KALRN: variants seen among roughly 807,000 people sequenced by gnomAD.
KALRN encodes the protein kalirin.
KALRN carries 70 observed loss-of-function variants against 353.7 expected under a neutral mutation model. That is an observed-to-expected ratio of 0.20 (90% CI 0.16 to 0.24). The LOEUF is 0.24. Ranked by LOEUF, KALRN falls within the 10% of genes least tolerant of loss-of-function variation. KALRN has a pLI of 1.00. For missense variants in KALRN, 2,791 were observed against 3,756.7 expected (o/e 0.74, Z 6.72); for synonymous variants, 1,391 against 1,434.8 (o/e 0.97, Z 0.69).
intron 10 of KALRN, among the ~76,000 whole-genome samples, chr3:124,352,155 T>TTTTTAAGAGACACATA (rs1353951294): frequency 6.8e-4 from 104 of 152,260 alleles, no homozygotes; most frequent in African/African-American, 2.5e-3. Context: ...CACCGAGTAG[T>TTTTTAAGAGACACATA]TTTTAAGAGA....
chr3:124,717,158 T>A (rs2063168899), intron 58 of KALRN, 89 bp from the exon 59 acceptor site: 1 of 1,276,236 alleles, frequency 7.8e-7, no homozygotes, highest in African/African-American at 1.5e-5. Flanking sequence ...TATGAGAGAG[T>A]TTAGAGATCT....
At chr3:124,505,657 C>A (rs2065126154) in intron 33 of KALRN, among the ~76,000 whole-genome samples, 1 of 152,212 alleles carries the variant, frequency 6.6e-6, no homozygotes, top group East Asian at 1.9e-4. Context: ...AACAAGAAAT[C>A]TTTAAGCGAA....
At chr3:124,664,513 C>T (rs566025162) in intron 45 of KALRN, among the ~76,000 whole-genome samples, 28 of 151,744 alleles carry the variant, frequency 1.8e-4, no homozygotes, top group South Asian at 4.2e-4. Context: ...TGGGTTCAGG[C>T]GATTCTCCTG....
chr3:124,532,581 G>C (rs536321184), intron 33 of KALRN, among the ~76,000 whole-genome samples: 1 of 152,114 alleles, frequency 6.6e-6, no homozygotes, highest in Non-Finnish European at 1.5e-5. Flanking sequence ...TGAGGTGGGC[G>C]GATCACTTGA....
chr3:124,541,187 C>T (rs893048656), intron 33 of KALRN, among the ~76,000 whole-genome samples: 3 of 152,130 alleles, frequency 2.0e-5, no homozygotes, highest in Non-Finnish European at 2.9e-5. Context: ...TGGTGGCTCA[C>T]GCCTGTAATC....
chr3:124,274,429 A>C (rs1214824710), intron 5 of KALRN, among the ~76,000 whole-genome samples: 1 of 152,240 alleles, frequency 6.6e-6, no homozygotes, highest in Non-Finnish European at 1.5e-5. Flanking sequence ...CTGATTGAGA[A>C]ATCTTTATCT....
intron 5 of KALRN, among the ~76,000 whole-genome samples, chr3:124,276,361 G>C (rs908773140): frequency 6.6e-6 from 1 of 152,130 alleles, no homozygotes; most frequent in Non-Finnish European, 1.5e-5. Context: ...ACTGGGCAAA[G>C]TATCCACTGC....
At chr3:124,615,487 G>A (rs1458885985) in intron 34 of KALRN, among the ~76,000 whole-genome samples, 1 of 152,152 alleles carries the variant, frequency 6.6e-6, no homozygotes, top group Non-Finnish European at 1.5e-5. Context: ...TAAAGTATCT[G>A]GGAATAAAGG....
intron 6 of KALRN, among the ~76,000 whole-genome samples, chr3:124,319,374 T>C (rs1003410168): frequency 1.3e-5 from 2 of 151,338 alleles, no homozygotes; most frequent in Middle Eastern, 6.8e-3. Context: ...TTATTTATAG[T>C]GGGGAAGAAA....
intron 1 of KALRN, among the ~76,000 whole-genome samples, chr3:124,076,352 G>A (rs1412151606): frequency 6.6e-6 from 1 of 152,138 alleles, no homozygotes; most frequent in African/African-American, 2.4e-5. Context: ...GAGTTGTTAA[G>A]CTAATTGTTA....
At chr3:124,487,964 T>C (rs555957713) in intron 28 of KALRN, among the ~76,000 whole-genome samples, 2 of 152,250 alleles carry the variant, frequency 1.3e-5, no homozygotes, top group South Asian at 4.1e-4. Flanking sequence ...GTCAAGCCAT[T>C]TGGGAGTTGG....
intron 5 of KALRN, among the ~76,000 whole-genome samples, chr3:124,293,942 A>G (rs2076626156): frequency 6.6e-6 from 1 of 152,174 alleles, no homozygotes; most frequent in African/African-American, 2.4e-5. Context: ...TCATTCATTC[A>G]TTCATTCATT....
At chr3:124,633,634 GGGGT>G (rs59152792) in intron 35 of KALRN, among the ~76,000 whole-genome samples, 22,108 of 108,726 alleles carry the variant, frequency 0.2, 1,590 homozygotes, top group East Asian at 0.32. Context: ...CTTCTTTTTG[GGGGT>G]GTGTGTGTGT....
At chr3:124,092,221 G>C (rs886079554) in intron 1 of KALRN, among the ~76,000 whole-genome samples, 23 of 152,176 alleles carry the variant, frequency 1.5e-4, no homozygotes, top group African/African-American at 5.3e-4. Flanking sequence ...ACTGGAGGGA[G>C]GGGAACAGAG....
At chr3:124,478,455 A>G (rs1445287890) in intron 27 of KALRN, among the ~76,000 whole-genome samples, 2 of 152,174 alleles carry the variant, frequency 1.3e-5, no homozygotes, top group Non-Finnish European at 2.9e-5. Flanking sequence ...TGATCCTACA[A>G]ATGTCTTGTT....
chr3:124,434,203 C>A, intron 16 of KALRN, 104 bp from the exon 17 acceptor site: 1 of 716,558 alleles, frequency 1.4e-6, no homozygotes, highest in East Asian at 2.7e-5. Context: ...TCATTTAAAG[C>A]TCTTTAACTT....
chr3:124,334,902 C>T lies in KALRN; in HGVS notation c.1647+407C>T, dbSNP rs1019672256. 6.6e-6 allele frequency among the ~76,000 whole-genome samples: 1 copy of T among 152,206 alleles called. No individual in the cohort carries two copies. Among genetic ancestry groups the T allele is most frequent in the African/African-American group, 2.4e-5 (1 of 41,450 alleles). On this transcript the variant is annotated intron_variant, in intron 9 of 59. Transcript: ENST00000682506. The surrounding 1 kb of genome is among the most constrained non-coding windows in gnomAD (Gnocchi z 4.2). ...CTCCGCTTTCTGGGTTCAAGCGATT[C>T]TTGTTCCTCAGCCTCCCAAGTAGCT...
intron 34 of KALRN, among the ~76,000 whole-genome samples, chr3:124,606,482 G>T (rs942295644): frequency 1.3e-5 from 2 of 152,124 alleles, no homozygotes; most frequent in Non-Finnish European, 1.5e-5. Context: ...TTATAGTCCT[G>T]TCTCCTTAAA....
intron 5 of KALRN, among the ~76,000 whole-genome samples, chr3:124,278,671 T>G (rs1288220807): frequency 6.6e-6 from 1 of 152,158 alleles, no homozygotes; most frequent in Non-Finnish European, 1.5e-5. Context: ...CAATTTTACT[T>G]TATAATTTGT....
Sources: gnomAD v4.1 joint callset for allele counts (sites outside exome capture counted in the v4.1 genomes callset) on GRCh38, gnomAD v4.1.1 for gene constraint, Gnocchi (gnomAD v3.1) non-coding constraint, MANE v1.5 for transcripts, NCBI Gene and HGNC (gene_info 2026-07-23, HGNC 2026-07-21) for gene names.